POMK: variants seen among roughly 807,000 people sequenced by gnomAD.
POMK encodes Sugen kinase 196.
POMK carries 19 observed loss-of-function variants against 23.0 expected under a neutral mutation model. That is an observed-to-expected ratio of 0.83 (90% CI 0.58 to 1.21). The LOEUF (loss-of-function observed/expected upper bound fraction) is 1.21, where lower values mean the gene tolerates loss of function less well. POMK is among the 50% of genes most tolerant of loss of function. The pLI, the probability that POMK is intolerant of heterozygous loss-of-function variation, is 0.00. For missense variants in POMK, 410 were observed against 431.3 expected, an observed-to-expected ratio of 0.95 and a Z score of 0.44; for synonymous variants, 173 against 171.6, an observed-to-expected ratio of 1.01 and a Z score of -0.06.
At chr8:43,112,824 A>G (rs535052293) in intron 4 of POMK, among the ~76,000 whole-genome samples, 1 of 152,216 alleles carries the variant, frequency 6.6e-6, no homozygotes. Context: ...AAGCTTCATC[A>G]GTGAAGGAGA....
At chr8:43,103,287 C>T (rs1316385096) in intron 3 of POMK, among the ~76,000 whole-genome samples, 1 of 152,166 alleles carries the variant, frequency 6.6e-6, no homozygotes, top group African/African-American at 2.4e-5. Context: ...GACACAAACA[C>T]CTCCCACCTA....
chr8:43,093,543 C>G lies in POMK; in HGVS notation c.-230C>G, dbSNP rs546094435. On this transcript the variant is annotated 5_prime_UTR_variant, in exon 1 of 5. Coordinates refer to ENST00000331373, the MANE Select transcript of POMK (RefSeq NM_032237.5). ...GCGTGCTGGCCCGGGGTGGCAGGAG[C>G]CGCAGAGGCTTGGGCTGCAGGTAGG... 3 of 152,628 alleles carry G rather than the reference C, an allele frequency of 2.0e-5. No homozygotes were observed. Among genetic ancestry groups the G allele is most frequent in the African/African-American group, 2.4e-5 (1 of 41,588 alleles). 9.5% of individuals were successfully genotyped at this position (152,628 alleles called of 1,614,324 possible).
intron 2 of POMK, among the ~76,000 whole-genome samples, chr8:43,099,230 T>C (rs1269921563): frequency 6.6e-6 from 1 of 152,244 alleles, no homozygotes; most frequent in African/African-American, 2.4e-5. Context: ...GGATTACAAG[T>C]GTGAGCCACC....
At chr8:43,115,354 C>G (rs1586677435) in intron 4 of POMK, among the ~76,000 whole-genome samples, 1 of 152,284 alleles carries the variant, frequency 6.6e-6, no homozygotes, top group East Asian at 1.9e-4. Flanking sequence ...AGCTGCCTAC[C>G]CGACATGTAC....
chr8:43,120,619 CCT>C (rs1811894949), intron 4 of POMK, among the ~76,000 whole-genome samples: 1 of 151,794 alleles, frequency 6.6e-6, no homozygotes, highest in Non-Finnish European at 1.5e-5. Flanking sequence ...CTCAGCCTCC[CCT>C]GAGTAGCTGG....
intron 4 of POMK, among the ~76,000 whole-genome samples, chr8:43,114,068 A>C (rs1811741554): frequency 6.6e-6 from 1 of 152,126 alleles, no homozygotes; most frequent in Non-Finnish European, 1.5e-5. Context: ...GGGGTCAGGG[A>C]CCCACTTGAG....
intron 1 of POMK, among the ~76,000 whole-genome samples, chr8:43,095,797 T>C (rs914838450): frequency 2.0e-5 from 3 of 152,184 alleles, no homozygotes; most frequent in Non-Finnish European, 4.4e-5. Flanking sequence ...CCAACTTGTA[T>C]AAGCTTCAGG....
chr8:43,113,886 G>A (rs913279099), intron 4 of POMK, among the ~76,000 whole-genome samples: 2 of 151,952 alleles, frequency 1.3e-5, no homozygotes, highest in Non-Finnish European at 1.5e-5. Context: ...TCCAGACCCT[G>A]TTTGCCTGGG....
intron 4 of POMK, among the ~76,000 whole-genome samples, chr8:43,119,483 T>C (rs182814367): frequency 7.2e-6 from 1 of 139,448 alleles, no homozygotes; most frequent in African/African-American, 2.7e-5. Context: ...ACCAGGCTGG[T>C]GTGCAGTGGT....
chr8:43,114,295 T>G (rs973253524), intron 4 of POMK, among the ~76,000 whole-genome samples: 2 of 152,242 alleles, frequency 1.3e-5, no homozygotes, highest in African/African-American at 4.8e-5. Context: ...TTTGTTTACC[T>G]AAGCAAGCCT....
At chr8:43,097,186 A>G (rs1171145407) in intron 1 of POMK, among the ~76,000 whole-genome samples, 1 of 152,246 alleles carries the variant, frequency 6.6e-6, no homozygotes, top group African/African-American at 2.4e-5. Context: ...ATGCATCCAA[A>G]TCACCTAGAG....
At chr8:43,116,573 A>C (rs1007612092) in intron 4 of POMK, among the ~76,000 whole-genome samples, 4 of 151,882 alleles carry the variant, frequency 2.6e-5, no homozygotes, top group African/African-American at 9.7e-5. Context: ...TGGCCTAATT[A>C]TTTTCTGGAT....
rs533470652 is a variant in POMK at position 43,110,526 on chromosome 8, C to T, written c.282+6696C>T. Among the ~76,000 whole-genome samples, 4 of 152,370 alleles carry T rather than the reference C, an allele frequency of 2.6e-5. No individual in the cohort carries two copies. The South Asian group carries it at 8.3e-4, about 32-fold the overall frequency. On this transcript the variant is annotated intron_variant, in intron 4 of 4. Coordinates refer to ENST00000331373, the MANE Select transcript of POMK (RefSeq NM_032237.5). The stretch of plus-strand genomic sequence containing the variant: ...GTTCACAACTTACAGAGACCATCTA[C>T]AACATGCTTGGACTTTCAGACTTTT...
intron 1 of POMK, among the ~76,000 whole-genome samples, chr8:43,097,273 G>A (rs565010996): frequency 3.0e-4 from 46 of 152,288 alleles, no homozygotes; most frequent in African/African-American, 9.1e-4. Flanking sequence ...ATTTCTCCCA[G>A]GTTCCTGGGC....
intron 4 of POMK, among the ~76,000 whole-genome samples, chr8:43,119,825 T>C (rs1443292760): frequency 1.3e-5 from 2 of 152,158 alleles, no homozygotes; most frequent in Non-Finnish European, 1.5e-5. Context: ...TTGAATGTTA[T>C]GAGCCAATCA....
intron 4 of POMK, among the ~76,000 whole-genome samples, chr8:43,109,297 C>G (rs1811602040): frequency 6.6e-6 from 1 of 152,122 alleles, no homozygotes; most frequent in South Asian, 2.1e-4. Context: ...AAACAAGACC[C>G]AATGAAGGTA....
intron 4 of POMK, among the ~76,000 whole-genome samples, chr8:43,114,756 C>G (rs924347852): frequency 2.6e-5 from 4 of 151,940 alleles, no homozygotes; most frequent in African/African-American, 9.7e-5. Flanking sequence ...CATCTTGCCC[C>G]TTCGATGCTT....
chr8:43,121,163 A>G (rs990982712), intron 4 of POMK, among the ~76,000 whole-genome samples: 24 of 152,240 alleles, frequency 1.6e-4, no homozygotes, highest in Non-Finnish European at 3.5e-4. Context: ...TTGATAAATA[A>G]TGCAAAAAAC....
At chr8:43,093,902 G>A (rs965258444) in intron 1 of POMK, among the ~76,000 whole-genome samples, 5 of 152,234 alleles carry the variant, frequency 3.3e-5, no homozygotes, top group African/African-American at 9.6e-5. Flanking sequence ...GCAACATGGC[G>A]GAACTTCTGT....
Sources: gnomAD v4.1 joint callset for allele counts (sites outside exome capture counted in the v4.1 genomes callset) on GRCh38, gnomAD v4.1.1 for gene constraint, MANE v1.5 for transcripts, NCBI Gene and HGNC (gene_info 2026-07-23, HGNC 2026-07-21) for gene names.